The following CHRM3 variants were observed in gnomAD, a reference collection of about 807,000 sequenced individuals.
CHRM3 encodes the protein muscarinic acetylcholine receptor M3.
Under a neutral mutation model 41.8 loss-of-function variants are expected in CHRM3, and 11 were observed. The ratio of observed to expected loss-of-function variants is 0.26; its 90% CI spans 0.17 to 0.44. The LOEUF (loss-of-function observed/expected upper bound fraction) is 0.44. Ranked by LOEUF, CHRM3 falls within the 20% of genes least tolerant of loss-of-function variation. The pLI is 1.00. For missense variants in CHRM3, 571 were observed against 745.4 expected (o/e 0.77, Z 2.72); for synonymous variants, 297 against 301.4 (o/e 0.99, Z 0.15).
chr1:239,793,120 T>C (rs1223052251), intron 5 of CHRM3, among the ~76,000 whole-genome samples: 2 of 152,222 alleles, frequency 1.3e-5, no homozygotes, highest in South Asian at 2.1e-4. Context: ...TACGAATTAT[T>C]GAACATCAGT....
intron 5 of CHRM3, among the ~76,000 whole-genome samples, chr1:239,700,530 C>T (rs1333173076): frequency 1.3e-5 from 2 of 152,090 alleles, no homozygotes; most frequent in Admixed American, 1.3e-4. Flanking sequence ...CTTGATAACC[C>T]CTCAGAACTT....
intron 5 of CHRM3, among the ~76,000 whole-genome samples, chr1:239,781,527 A>G (rs527308013): frequency 1.3e-5 from 2 of 152,098 alleles, no homozygotes; most frequent in African/African-American, 2.4e-5. Flanking sequence ...GGGATTTTTT[A>G]TGGGTTCTTT....
intron 1 of CHRM3, among the ~76,000 whole-genome samples, chr1:239,431,743 G>A (rs1317409902): frequency 1.3e-5 from 2 of 152,140 alleles, no homozygotes; most frequent in African/African-American, 4.8e-5. Context: ...AAGAAATTAA[G>A]CTGAAAAGGG....
At chr1:239,644,723 T>G in intron 4 of CHRM3, among the ~76,000 whole-genome samples, 1 of 152,178 alleles carries the variant, frequency 6.6e-6, no homozygotes, top group East Asian at 1.9e-4. Flanking sequence ...ACAATCACCA[T>G]TAAAATACAG....
intron 5 of CHRM3, among the ~76,000 whole-genome samples, chr1:239,800,506 C>T (rs565199189): frequency 1.1e-4 from 16 of 152,318 alleles, no homozygotes; most frequent in African/African-American, 3.8e-4. Context: ...TTCAATGATT[C>T]TCAACTTAAA....
chr1:239,519,183 G>A (rs1332764456), intron 2 of CHRM3, among the ~76,000 whole-genome samples: 1 of 151,616 alleles, frequency 6.6e-6, no homozygotes, highest in East Asian at 1.9e-4. Flanking sequence ...TTAGTTTAAG[G>A]GTATAATTTG....
intron 3 of CHRM3, among the ~76,000 whole-genome samples, chr1:239,602,106 GTGTGTA>G (rs1156997241): frequency 7.7e-5 from 10 of 129,240 alleles, no homozygotes; most frequent in African/African-American, 3.4e-4. Context: ...GTGTGTGTGT[GTGTGTA>G]TATATATATA....
intron 5 of CHRM3, among the ~76,000 whole-genome samples, chr1:239,762,269 G>A (rs1005999628): frequency 5.3e-5 from 8 of 152,200 alleles, no homozygotes; most frequent in South Asian, 4.1e-4. Flanking sequence ...AATTGATTGT[G>A]ACTTCATCTG....
At chr1:239,861,715 C>T (rs761627993) in intron 6 of CHRM3, among the ~76,000 whole-genome samples, 1 of 152,112 alleles carries the variant, frequency 6.6e-6, no homozygotes, top group South Asian at 2.1e-4. Flanking sequence ...AGGTGAAAGG[C>T]TATCTCTAAG....
intron 5 of CHRM3, among the ~76,000 whole-genome samples, chr1:239,701,546 T>G (rs1660687857): frequency 6.6e-6 from 1 of 152,204 alleles, no homozygotes; most frequent in Non-Finnish European, 1.5e-5. Context: ...AAATTAGGCC[T>G]AGAGTTGTGC....
At chr1:239,576,010 T>A (rs1320295863) in intron 3 of CHRM3, among the ~76,000 whole-genome samples, 1 of 152,180 alleles carries the variant, frequency 6.6e-6, no homozygotes, top group Non-Finnish European at 1.5e-5. Flanking sequence ...TTGCTGTTTC[T>A]ATACATTTGA....
At chr1:239,420,365 C>T (rs1293043993) in intron 1 of CHRM3, among the ~76,000 whole-genome samples, 2 of 152,160 alleles carry the variant, frequency 1.3e-5, no homozygotes, top group Non-Finnish European at 1.5e-5. Context: ...ATAGACTTAT[C>T]GCTGGAGTTC....
intron 1 of CHRM3, among the ~76,000 whole-genome samples, chr1:239,411,224 A>G (rs1661036148): frequency 6.6e-6 from 1 of 152,184 alleles, no homozygotes; most frequent in Admixed American, 6.5e-5. Flanking sequence ...TAGAGATTCA[A>G]AAATGACTTG....
In CHRM3 at chr1:239,404,721, T is replaced by TATATATA. The variant is rs1475278961; in HGVS notation, c.-521+17495_-521+17501dup. 9.5e-3 allele frequency among the ~76,000 whole-genome samples: 407 copies of TATATATA among 43,036 alleles called. 8 individuals carry two copies. The highest frequency in any genetic ancestry group is 0.085 in the East Asian group (125 of 1,476). 28.2% of individuals were successfully genotyped at this position (43,036 alleles called of 152,430 possible). A position where few individuals can be genotyped will look rare whatever the true frequency, so the allele number is the denominator to read the frequency against. ...TTAAATGTATCATGCTATATCTAAA[T>TATATATA]ATATATATATATATATATATATATA... On this transcript the variant is annotated intron_variant, in intron 1 of 6. Transcript: ENST00000676153.
At chr1:239,627,814 A>C (rs1669164365) in intron 3 of CHRM3, among the ~76,000 whole-genome samples, 1 of 150,252 alleles carries the variant, frequency 6.7e-6, no homozygotes, top group African/African-American at 2.5e-5. Flanking sequence ...TTTCTTTAAG[A>C]ACGTTGAATA....
chr1:239,395,434 T>A (rs894929082), intron 1 of CHRM3, among the ~76,000 whole-genome samples: 1 of 152,176 alleles, frequency 6.6e-6, no homozygotes, highest in Non-Finnish European at 1.5e-5. Flanking sequence ...ATGTTATGAA[T>A]AAATCAAGTG....
chr1:239,398,442 G>T (rs1659683851), intron 1 of CHRM3, among the ~76,000 whole-genome samples: 1 of 151,964 alleles, frequency 6.6e-6, no homozygotes, highest in Admixed American at 6.6e-5. Context: ...CACCATGTTG[G>T]TCAGGCTGGT....
chr1:239,764,268 C>T (rs1178725575), intron 5 of CHRM3, among the ~76,000 whole-genome samples: 1 of 151,944 alleles, frequency 6.6e-6, no homozygotes, highest in Non-Finnish European at 1.5e-5. Context: ...CAAACAGGGT[C>T]CTTGGAAGTG....
intron 5 of CHRM3, chr1:239,703,610 T>G (rs1660881585): frequency 6.6e-6 from 1 of 152,160 alleles, no homozygotes; most frequent in Admixed American, 6.5e-5. Flanking sequence ...TTAATCAAAT[T>G]GTAACACAAA....
Sources: gnomAD v4.1 joint callset for allele counts (sites outside exome capture counted in the v4.1 genomes callset) on GRCh38, gnomAD v4.1.1 for gene constraint, MANE v1.5 for transcripts, NCBI Gene and HGNC (gene_info 2026-07-23, HGNC 2026-07-21) for gene names.